Variants in CCR3 observed in about 807,000 individuals in gnomAD.
CCR3 encodes C-C chemokine receptor type 3.
For missense variants in CCR3, 419 were observed against 437.5 expected (o/e 0.96, Z 0.38); for synonymous variants, 203 against 179.2 (o/e 1.13, Z -1.06).
chr3:46,249,403 C>T (rs996871230), intron 1 of CCR3, among the ~76,000 whole-genome samples: 1 of 152,054 alleles, frequency 6.6e-6, no homozygotes, highest in South Asian at 2.1e-4. Flanking sequence ...ATACCCACAA[C>T]AGTTATGGAG....
chr3:46,240,189 T>C (rs1700065357), upstream of CCR3, among the ~76,000 whole-genome samples: 1 of 152,180 alleles, frequency 6.6e-6, no homozygotes, highest in Admixed American at 6.6e-5. Flanking sequence ...TTCCACCCTC[T>C]GCCAGAGACC....
intron 1 of CCR3, among the ~76,000 whole-genome samples, chr3:46,246,051 C>T (rs1194859448): frequency 6.6e-6 from 1 of 152,162 alleles, no homozygotes; most frequent in Admixed American, 6.5e-5. Context: ...TGTTATCATC[C>T]TACTTCCTTC....
intron 2 of CCR3, among the ~76,000 whole-genome samples, chr3:46,222,709 C>A (rs1170571906): frequency 1.3e-5 from 2 of 152,200 alleles, no homozygotes; most frequent in East Asian, 1.9e-4. Flanking sequence ...AGCCATGCCA[C>A]CTTGGGCATT....
chr3:46,230,773 C>G (rs956851558), intron 2 of CCR3, among the ~76,000 whole-genome samples: 1 of 152,140 alleles, frequency 6.6e-6, no homozygotes, highest in Non-Finnish European at 1.5e-5. Context: ...GCATTAAAGT[C>G]ATCTTTATCG....
In CCR3 at chr3:46,258,013, G is replaced by A. The variant is rs41519745; in HGVS notation, c.-11-7135G>A. On this transcript the variant is annotated intron_variant, in intron 1 of 1. Transcript: ENST00000395940. ...AGCTCTCAAAGACAGACCAATTTGC[G>A]TTCTGTAATTGTTCTCTTCAGGCCC... Among the ~76,000 whole-genome samples the A allele has an allele frequency of 3.4e-3, 514 of 152,328 alleles. 5 individuals are homozygous for A. The highest frequency in any genetic ancestry group is 0.011 in the African/African-American group (478 of 41,584).
intron 2 of CCR3, among the ~76,000 whole-genome samples, chr3:46,230,009 C>T (rs376015820): frequency 6.6e-6 from 1 of 151,988 alleles, no homozygotes; most frequent in Non-Finnish European, 1.5e-5. Flanking sequence ...TATTCTGACA[C>T]AAGACAAGGA....
At chr3:46,223,287 C>T (rs1699857306) in intron 2 of CCR3, among the ~76,000 whole-genome samples, 1 of 152,192 alleles carries the variant, frequency 6.6e-6, no homozygotes, top group Non-Finnish European at 1.5e-5. Context: ...TTGCAGTGAG[C>T]CGAGATCGTG....
chr3:46,222,952 C>A (rs964568457), intron 2 of CCR3, among the ~76,000 whole-genome samples: 4 of 152,130 alleles, frequency 2.6e-5, no homozygotes, highest in Non-Finnish European at 5.9e-5. Flanking sequence ...TCAAGAAACC[C>A]TTCATGCTAA....
intron 2 of CCR3, among the ~76,000 whole-genome samples, chr3:46,235,817 G>C (rs1044303172): frequency 6.6e-6 from 1 of 152,238 alleles, no homozygotes; most frequent in Non-Finnish European, 1.5e-5. Context: ...AACAGATGCT[G>C]TCTTGCTGTC....
chr3:46,232,667 A>T (rs966280480), intron 2 of CCR3, among the ~76,000 whole-genome samples: 2 of 152,126 alleles, frequency 1.3e-5, no homozygotes, highest in East Asian at 3.9e-4. Flanking sequence ...GCCATTCTGG[A>T]TGTGATGTTG....
At chr3:46,245,196 G>T (rs1700167318) in intron 1 of CCR3, among the ~76,000 whole-genome samples, 1 of 151,926 alleles carries the variant, frequency 6.6e-6, no homozygotes, top group Non-Finnish European at 1.5e-5. Context: ...AATGTTTGTG[G>T]CTGGAAAGAA....
intron 2 of CCR3, among the ~76,000 whole-genome samples, chr3:46,213,066 G>A (rs1189980766): frequency 2.0e-5 from 3 of 152,336 alleles, no homozygotes; most frequent in African/African-American, 7.2e-5. Flanking sequence ...GCTCTGGTTT[G>A]AAATTACTCT....
chr3:46,250,723 A>G (rs1700291162), intron 1 of CCR3, among the ~76,000 whole-genome samples: 2 of 152,144 alleles, frequency 1.3e-5, no homozygotes, highest in Non-Finnish European at 2.9e-5. Flanking sequence ...AAGGAGAAGA[A>G]GGAGGAATGG....
At chr3:46,238,846 G>C (rs1380143777), upstream of CCR3, among the ~76,000 whole-genome samples, 2 of 152,226 alleles carry the variant, frequency 1.3e-5, no homozygotes, top group Non-Finnish European at 2.9e-5. Context: ...CACAGGAGTA[G>C]ATATGGCATG....
chr3:46,251,710 A>G (rs1700317426), intron 1 of CCR3, among the ~76,000 whole-genome samples: 2 of 152,174 alleles, frequency 1.3e-5, no homozygotes, highest in African/African-American at 4.8e-5. Context: ...AAAGAGAGTC[A>G]GCAAAGGGAG....
chr3:46,214,841 G>T (rs1297712840), intron 2 of CCR3, among the ~76,000 whole-genome samples: 1 of 152,118 alleles, frequency 6.6e-6, no homozygotes, highest in Non-Finnish European at 1.5e-5. Context: ...GCAGACACTG[G>T]GGGGCAGGAT....
At chr3:46,259,988 G>C (rs1575510203) in intron 1 of CCR3, among the ~76,000 whole-genome samples, 1 of 152,164 alleles carries the variant, frequency 6.6e-6, no homozygotes, top group East Asian at 1.9e-4. Context: ...TCATATGGCT[G>C]GGGAGGCCTC....
intron 1 of CCR3, among the ~76,000 whole-genome samples, chr3:46,245,870 A>G (rs998019020): frequency 3.9e-5 from 6 of 152,210 alleles, no homozygotes; most frequent in African/African-American, 1.4e-4. Context: ...ATGTTCCTGC[A>G]AAAGACACTA....
intron 2 of CCR3, among the ~76,000 whole-genome samples, chr3:46,217,481 GA>G (rs1699788298): frequency 2.6e-5 from 4 of 152,220 alleles, no homozygotes; most frequent in African/African-American, 9.6e-5. Flanking sequence ...GATATTTACA[GA>G]ACATTCTACC....
Sources: gnomAD v4.1 joint callset for allele counts (sites outside exome capture counted in the v4.1 genomes callset) on GRCh38, gnomAD v4.1.1 for gene constraint, MANE v1.5 for transcripts, NCBI Gene and HGNC (gene_info 2026-07-23, HGNC 2026-07-21) for gene names.